ME1: variants seen among roughly 807,000 people sequenced by gnomAD.
ME1 encodes the protein NADP-dependent malic enzyme.
In ME1, 74 loss-of-function variants were observed where a neutral mutation model predicts 66.4. That is an observed-to-expected ratio of 1.11 (90% CI 0.92 to 1.35). ME1 has a LOEUF of 1.35. ME1 is among the 40% of genes most tolerant of loss of function. ME1 has a pLI of 0.00. For synonymous variants in ME1, 251 were observed against 235.6 expected, an observed-to-expected ratio of 1.07 and a Z score of -0.60; for missense variants, 750 against 694.1, an observed-to-expected ratio of 1.08 and a Z score of -0.90.
At chr6:83,369,999 G>A (rs1769167220) in intron 3 of ME1, among the ~76,000 whole-genome samples, 1 of 152,062 alleles carries the variant, frequency 6.6e-6, no homozygotes, top group Non-Finnish European at 1.5e-5. Context: ...GAGAAGATAT[G>A]AAGAGAAAAA....
At chr6:83,281,829 AAAAAAAG>A (rs1767297172) in intron 6 of ME1, among the ~76,000 whole-genome samples, 2 of 143,606 alleles carry the variant, frequency 1.4e-5, no homozygotes, top group Non-Finnish European at 1.6e-5. Context: ...AAAAAAAAAA[AAAAAAAG>A]AAAAGAAAAC....
In ME1 at chr6:83,239,519, G is replaced by A. The variant is rs368485997; in HGVS notation, c.912+20C>T. ...TATATGTTAGTTTAGGAGAACATAA[G>A]TATTACACAAGGCAAATACCTCTCC... On this transcript the variant is annotated intron_variant, in intron 8 of 13. Transcript: ENST00000369705. The A allele has an allele frequency of 3.4e-5, 52 of 1,509,812 alleles. No homozygotes were observed. The African/African-American group carries it at 5.7e-4, about 16-fold the overall frequency. The allele number at this position is 1,509,812 out of a possible 1,614,324, so 93.5% of individuals were successfully genotyped here.
intron 6 of ME1, 65 bp downstream of exon 6, chr6:83,315,245 G>A (rs965192185): frequency 5.1e-6 from 5 of 973,310 alleles, no homozygotes; most frequent in Non-Finnish European, 8.0e-6. Context: ...ATAAATCTTG[G>A]ATTTTTTAAT....
chr6:83,239,687 A>G (rs373050038), intron 7 of ME1, 51 bp from the exon 8 acceptor site: 6 of 1,292,836 alleles, frequency 4.6e-6, no homozygotes, highest in African/African-American at 1.5e-5. Context: ...GATCCTGCCA[A>G]TTTTCAAGCT....
At chr6:83,261,411 C>A (rs1583345601) in intron 6 of ME1, among the ~76,000 whole-genome samples, 1 of 101,926 alleles carries the variant, frequency 9.8e-6, no homozygotes, top group East Asian at 3.2e-4. Flanking sequence ...TTTGTTTACT[C>A]TGTTGGTAAT....
At chr6:83,297,511 A>C (rs1767620960) in intron 6 of ME1, among the ~76,000 whole-genome samples, 1 of 152,216 alleles carries the variant, frequency 6.6e-6, no homozygotes, top group African/African-American at 2.4e-5. Flanking sequence ...AGGCAATCCT[A>C]AGCAAAGAGA....
intron 3 of ME1, among the ~76,000 whole-genome samples, chr6:83,368,194 G>T (rs1480199851): frequency 6.6e-6 from 1 of 151,774 alleles, no homozygotes; most frequent in African/African-American, 2.4e-5. Flanking sequence ...TAACATCAAA[G>T]ATCTGATTAC....
chr6:83,385,851 C>G (rs1327818402), intron 3 of ME1, among the ~76,000 whole-genome samples: 1 of 151,712 alleles, frequency 6.6e-6, no homozygotes, highest in Non-Finnish European at 1.5e-5. Context: ...ATAAAAATAA[C>G]TTTTATTCTG....
intron 3 of ME1, among the ~76,000 whole-genome samples, chr6:83,370,712 A>T (rs543995085): frequency 7.7e-4 from 117 of 152,288 alleles, no homozygotes; most frequent in African/African-American, 2.6e-3. Flanking sequence ...TCTCACTGTT[A>T]AATGAAAATA....
intron 12 of ME1, 118 bp from the exon 13 acceptor site, chr6:83,216,714 A>G: frequency 9.9e-6 from 6 of 605,526 alleles, no homozygotes; most frequent in Non-Finnish European, 1.7e-5. Context: ...CAGTGACATT[A>G]ATATGATTAC....
chr6:83,317,205 A>G (rs1237583477), intron 5 of ME1, among the ~76,000 whole-genome samples: 1 of 152,162 alleles, frequency 6.6e-6, no homozygotes, highest in Non-Finnish European at 1.5e-5. Flanking sequence ...TAAGGTCTTC[A>G]AACATGAAAT....
intron 6 of ME1, among the ~76,000 whole-genome samples, chr6:83,255,840 A>G (rs1766759185): frequency 6.6e-6 from 1 of 152,128 alleles, no homozygotes; most frequent in South Asian, 2.1e-4. Context: ...CTATGAAGTA[A>G]GCACTATTAT....
chr6:83,323,381 C>G (rs1366369947), intron 5 of ME1, among the ~76,000 whole-genome samples: 1 of 151,976 alleles, frequency 6.6e-6, no homozygotes, highest in Admixed American at 6.6e-5. Flanking sequence ...GAGTCAATAC[C>G]CATCAGTGTG....
intron 6 of ME1, among the ~76,000 whole-genome samples, chr6:83,271,620 T>C (rs1366004892): frequency 6.6e-6 from 1 of 152,102 alleles, no homozygotes; most frequent in Non-Finnish European, 1.5e-5. Context: ...TTCTGTGGTA[T>C]CCAGAAAAAA....
chr6:83,284,287 T>C (rs1388198648), intron 6 of ME1, among the ~76,000 whole-genome samples: 1 of 151,906 alleles, frequency 6.6e-6, no homozygotes, highest in Non-Finnish European at 1.5e-5. Context: ...AGAAAATGGA[T>C]TCACAGTCAA....
intron 11 of ME1, among the ~76,000 whole-genome samples, chr6:83,225,452 A>G (rs1790177660): frequency 1.3e-5 from 2 of 152,126 alleles, no homozygotes; most frequent in Non-Finnish European, 2.9e-5. Flanking sequence ...AATGGGTTTT[A>G]ACTTTCATAT....
chr6:83,312,521 C>T (rs1451756887), intron 6 of ME1, among the ~76,000 whole-genome samples: 1 of 151,924 alleles, frequency 6.6e-6, no homozygotes. Flanking sequence ...GCCAAGATGG[C>T]AAATAAAAAA....
chr6:83,276,133 G>A (rs1455978461), intron 6 of ME1, among the ~76,000 whole-genome samples: 1 of 152,068 alleles, frequency 6.6e-6, no homozygotes, highest in Non-Finnish European at 1.5e-5. Context: ...ACGAAGCACC[G>A]ACTTTTTTGC....
At chr6:83,428,170 A>C (rs1217540782) in intron 1 of ME1, among the ~76,000 whole-genome samples, 1 of 152,218 alleles carries the variant, frequency 6.6e-6, no homozygotes, top group East Asian at 1.9e-4. Context: ...ACATTTTCAT[A>C]GTAGAAATTA....
Sources: gnomAD v4.1 joint callset for allele counts (sites outside exome capture counted in the v4.1 genomes callset) on GRCh38, gnomAD v4.1.1 for gene constraint, MANE v1.5 for transcripts, NCBI Gene and HGNC (gene_info 2026-07-23, HGNC 2026-07-21) for gene names.